SAV1: variants seen among roughly 807,000 people sequenced by gnomAD.
The protein encoded by SAV1 is protein salvador homolog 1.
A neutral mutation model predicts 47.3 loss-of-function variants in SAV1; 23 were observed. The ratio of observed to expected loss-of-function variants is 0.49; its 90% CI spans 0.35 to 0.69. The LOEUF (loss-of-function observed/expected upper bound fraction) is 0.69, where lower values mean the gene tolerates loss of function less well. Ranked by LOEUF, SAV1 falls within the 30% of genes least tolerant of loss-of-function variation. The pLI is 0.01. For synonymous variants in SAV1, 155 were observed against 159.2 expected (o/e 0.97, Z 0.20); for missense variants, 448 against 457.4 (o/e 0.98, Z 0.19).
chr14:50,644,677 T>C (rs909782484), intron 3 of SAV1, 67 bp downstream of exon 3: 2 of 1,409,670 alleles, frequency 1.4e-6, no homozygotes, highest in Admixed American at 2.1e-5. Context: ...TAGATGAAAA[T>C]ATCAGTTCAA....
At chr14:50,637,148 A>C (rs2039641428) in intron 4 of SAV1, among the ~76,000 whole-genome samples, 1 of 152,220 alleles carries the variant, frequency 6.6e-6, no homozygotes, top group Admixed American at 6.5e-5. Context: ...TGGAAGGTAA[A>C]TATATTTAAT....
At chr14:50,659,343 T>A (rs903398272) in intron 2 of SAV1, among the ~76,000 whole-genome samples, 5 of 152,202 alleles carry the variant, frequency 3.3e-5, no homozygotes, top group Admixed American at 1.3e-4. Flanking sequence ...TGACTCCTGC[T>A]GAAGCCTCCC....
rs1173167256 is a variant in SAV1, at chr14:50,665,174, G to A, written c.535+5C>T. 2.6e-6 allele frequency: 4 copies of A among 1,546,220 alleles called. No homozygotes were observed. Among genetic ancestry groups the A allele is most frequent in the Non-Finnish European group, 3.5e-6 (4 of 1,150,378 alleles). On this transcript the variant is annotated splice_donor_5th_base_variant and intron_variant, in intron 2 of 4. Coordinates refer to ENST00000324679, the MANE Select transcript of SAV1 (RefSeq NM_021818.4). ...ACTACTATATTATTTATAATGTTAA[G>A]CTACCTGAAGCATGCCTCCCCTGAT...
At chr14:50,666,274 A>C (rs1170436028) in intron 1 of SAV1, among the ~76,000 whole-genome samples, 3 of 152,220 alleles carry the variant, frequency 2.0e-5, no homozygotes, top group Non-Finnish European at 4.4e-5. Flanking sequence ...TGGCTCAAAA[A>C]ACCAAGCCTG....
intron 2 of SAV1, among the ~76,000 whole-genome samples, chr14:50,652,788 T>G (rs1316929117): frequency 6.6e-6 from 1 of 152,194 alleles, no homozygotes; most frequent in Non-Finnish European, 1.5e-5. Flanking sequence ...CCCAACACTT[T>G]GGGAGGCCAA....
intron 2 of SAV1, 131 bp downstream of exon 2, chr14:50,665,048 G>C: frequency 2.3e-6 from 3 of 1,285,964 alleles, no homozygotes; most frequent in South Asian, 3.4e-5. Context: ...GGCTTAAGCA[G>C]GATGAGCAAA....
At chr14:50,656,046 A>C (rs1399205363) in intron 2 of SAV1, among the ~76,000 whole-genome samples, 1 of 151,460 alleles carries the variant, frequency 6.6e-6, no homozygotes, top group Non-Finnish European at 1.5e-5. Context: ...ACTCCGTCTC[A>C]AAAACAAAAA....
intron 2 of SAV1, among the ~76,000 whole-genome samples, chr14:50,646,356 G>A (rs1348482753): frequency 2.6e-5 from 4 of 152,168 alleles, no homozygotes; most frequent in African/African-American, 9.7e-5. Flanking sequence ...ACTGTGGAAA[G>A]CAAAACCATG....
In SAV1 at chr14:50,635,029, AAG is replaced by A. The variant is rs2039622282; in HGVS notation, c.*152_*153del. ...TAGACTAATTTTTCTCATTCAATAA[AAG>A]AAAATTTCTAATAACAAAATACATG... On this transcript the variant is annotated 3_prime_UTR_variant, in exon 5 of 5. Coordinates refer to ENST00000324679, the MANE Select transcript of SAV1 (RefSeq NM_021818.4). 3 of 633,724 alleles carry A rather than the reference AAG, an allele frequency of 4.7e-6. No individual in the cohort carries two copies. The highest frequency in any genetic ancestry group is 6.1e-5 in the Admixed American group (2 of 33,024). The allele number at this position is 633,724 out of a possible 1,614,324, so 39.3% of individuals were successfully genotyped here.
At chr14:50,637,572 ATAT>A (rs1184660090) in intron 4 of SAV1, 3 of 152,128 alleles carry the variant, frequency 2.0e-5, no homozygotes, top group East Asian at 1.9e-4. Context: ...AAGATGGTAA[ATAT>A]TATACTTATT....
intron 1 of SAV1, among the ~76,000 whole-genome samples, chr14:50,666,710 C>T (rs1469173537): frequency 6.6e-6 from 1 of 151,166 alleles, no homozygotes; most frequent in Non-Finnish European, 1.5e-5. Flanking sequence ...ACTTTATTTG[C>T]AGCAAACAGC....
At position 50,647,818 on chromosome 14, in the gene SAV1, T is replaced by A. The variant is rs76872866; in HGVS notation, c.536-2804A>T. Reference sequence around the variant, plus strand: ...AAGTGCTTACATGGATACAGAACAATTGGAATGCCCATACACTGCTGGTGT... The same window carrying A: ...AAGTGCTTACATGGATACAGAACAAATGGAATGCCCATACACTGCTGGTGT... On this transcript the variant is annotated intron_variant, in intron 2 of 4. Coordinates refer to ENST00000324679, the MANE Select transcript of SAV1 (RefSeq NM_021818.4). 3.9e-3 allele frequency among the ~76,000 whole-genome samples: 600 copies of A among 152,184 alleles called. 25 individuals carry two copies. The East Asian group carries it at 0.092, about 23-fold the overall frequency.
At position 50,644,905 on chromosome 14, in the gene SAV1, T is replaced by C; in HGVS notation, c.645A>G (p.Lys215=). ...WSVDWTMRGR[K]YYIDHNTNTT... ...TATTTGTGTTATGATCTATATAATA[T>C]TTTCTCCCTCTCATTGTCCAGTCCA... Residue 215 remains lysine (K), a synonymous_variant, in exon 3 of 5, where the codon AAA becomes AAG. Coordinates refer to ENST00000324679, the MANE Select transcript of SAV1 (RefSeq NM_021818.4). The C allele has an allele frequency of 6.2e-7, 1 of 1,614,032 alleles. No individual in the cohort carries two copies. The highest frequency in any genetic ancestry group is 8.5e-7 in the Non-Finnish European group (1 of 1,180,000).
intron 2 of SAV1, among the ~76,000 whole-genome samples, chr14:50,655,429 CTTTT>C (rs5808563): frequency 1.5e-5 from 2 of 132,682 alleles, no homozygotes; most frequent in Non-Finnish European, 1.6e-5. Flanking sequence ...CAAAAGCTGC[CTTTT>C]TTTTTTTTTT....
In SAV1 at chr14:50,635,999, G is replaced by A. The variant is rs3015441; in HGVS notation, c.951-615C>T. On this transcript the variant is annotated intron_variant, in intron 4 of 4. Transcript: ENST00000324679. Reference sequence around the variant, plus strand: ...TGGGATTAACTTTGGGAGCCACCGCGCCCGGCCTACATATAATTCTTCTAA... The same window carrying A: ...TGGGATTAACTTTGGGAGCCACCGCACCCGGCCTACATATAATTCTTCTAA... Among the ~76,000 whole-genome samples the A allele has an allele frequency of 9.0e-3, 1,372 of 152,166 alleles. 26 individuals carry two copies. Among genetic ancestry groups the A allele is most frequent in the African/African-American group, 0.031 (1,281 of 41,520 alleles).
At chr14:50,650,951 G>A (rs1870873381) in intron 2 of SAV1, among the ~76,000 whole-genome samples, 1 of 152,050 alleles carries the variant, frequency 6.6e-6, no homozygotes, top group South Asian at 2.1e-4. Context: ...GAACCTGGGA[G>A]ATGGAGGATG....
intron 4 of SAV1, among the ~76,000 whole-genome samples, chr14:50,637,271 C>T (rs917814416): frequency 1.3e-5 from 2 of 152,138 alleles, no homozygotes; most frequent in African/African-American, 4.8e-5. Context: ...CACTTGTGAA[C>T]ATAAATTAGA....
chr14:50,654,798 A>T (rs1445339190), intron 2 of SAV1, among the ~76,000 whole-genome samples: 1 of 152,224 alleles, frequency 6.6e-6, no homozygotes, highest in African/African-American at 2.4e-5. Flanking sequence ...ATGATGGATG[A>T]ATTAAGCTGA....
Position 50,635,198 on chromosome 14 carries a change from ATGT to A in SAV1, c.1134_1136del (p.Gln378del). The A allele has an allele frequency of 6.2e-7, 1 of 1,612,690 alleles. No homozygotes were observed. The highest frequency in any genetic ancestry group is 8.5e-7 in the Non-Finnish European group (1 of 1,179,654). On this transcript the variant is annotated inframe_deletion, in exon 5 of 5. Coordinates refer to ENST00000324679, the MANE Select transcript of SAV1 (RefSeq NM_021818.4). ...AAAAATCAGCTCAAAAATTTTTTCC[ATGT>A]TGTTGGGCATACCACTGCTGTCTCT...
Sources: gnomAD v4.1 joint callset for allele counts (sites outside exome capture counted in the v4.1 genomes callset) on GRCh38, gnomAD v4.1.1 for gene constraint, MANE v1.5 for transcripts, NCBI Gene and HGNC (gene_info 2026-07-23, HGNC 2026-07-21) for gene names.